The following CSMD1 variants were observed in gnomAD, a reference collection of about 807,000 sequenced individuals.
CSMD1 encodes the protein CUB and Sushi multiple domains 1.
Under a neutral mutation model 417.5 loss-of-function variants are expected in CSMD1, and 213 were observed. The observed-to-expected ratio is 0.51, with a 90% CI of 0.46 to 0.57. The LOEUF is 0.57. Among genes scored for constraint, CSMD1 ranks in the 20% least tolerant of loss-of-function variants. The pLI is 0.00. For missense variants in CSMD1, 6,923 were observed against 4,529.7 expected (o/e 1.53, Z -15.17); for synonymous variants, 2,862 against 1,736.8 (o/e 1.65, Z -16.11).
intron 3 of CSMD1, among the ~76,000 whole-genome samples, chr8:4,393,566 G>A (rs770838421): frequency 6.6e-6 from 1 of 152,158 alleles, no homozygotes; most frequent in Non-Finnish European, 1.5e-5. Context: ...TGCAGCAAGA[G>A]AAAGGCCTTC....
At chr8:4,112,560 T>C (rs1382831121) in intron 3 of CSMD1, among the ~76,000 whole-genome samples, 2 of 152,166 alleles carry the variant, frequency 1.3e-5, no homozygotes, top group Non-Finnish European at 2.9e-5. Context: ...GCTTTCTCTG[T>C]TCCCTCTTCT....
chr8:4,010,148 T>A (rs1816432633), intron 4 of CSMD1, among the ~76,000 whole-genome samples: 1 of 152,188 alleles, frequency 6.6e-6, no homozygotes, highest in Non-Finnish European at 1.5e-5. Flanking sequence ...TCTGAAGTCA[T>A]CTCAGTAGCC....
intron 12 of CSMD1, among the ~76,000 whole-genome samples, chr8:3,449,560 C>A (rs541860966): frequency 7.9e-5 from 12 of 151,964 alleles, no homozygotes; most frequent in African/African-American, 2.9e-4. Context: ...TCTTGTTGCC[C>A]AGGCTGGAGT....
intron 48 of CSMD1, 148 bp from the exon 49 acceptor site, chr8:3,087,433 A>G (rs1036815979): frequency 6.3e-6 from 5 of 791,820 alleles, no homozygotes; most frequent in Non-Finnish European, 1.0e-5. Context: ...TCTAAAGAGC[A>G]TTCCAAAACT....
intron 8 of CSMD1, among the ~76,000 whole-genome samples, chr8:3,598,876 T>G (rs1002139128): frequency 1.1e-4 from 16 of 151,162 alleles, no homozygotes; most frequent in African/African-American, 3.6e-4. Flanking sequence ...AGGTCAGGAG[T>G]TTGAGACCAG....
chr8:3,737,436 T>A (rs958731437), intron 6 of CSMD1, among the ~76,000 whole-genome samples: 1 of 152,230 alleles, frequency 6.6e-6, no homozygotes, highest in Admixed American at 6.5e-5. Flanking sequence ...TATTTTAGAA[T>A]TAAAGTTACA....
At chr8:3,056,643 T>A (rs1483734904) in intron 49 of CSMD1, among the ~76,000 whole-genome samples, 1 of 152,156 alleles carries the variant, frequency 6.6e-6, no homozygotes, top group Non-Finnish European at 1.5e-5. Context: ...GTGCTGGGAT[T>A]ACAAGCATGA....
At chr8:3,988,491 G>C (rs1435857040) in intron 5 of CSMD1, among the ~76,000 whole-genome samples, 1 of 152,194 alleles carries the variant, frequency 6.6e-6, no homozygotes, top group Non-Finnish European at 1.5e-5. Flanking sequence ...GCACGGAACA[G>C]CAGCACCAAC....
chr8:4,961,898 CCTT>C (rs1247138614), intron 1 of CSMD1, among the ~76,000 whole-genome samples: 5 of 151,370 alleles, frequency 3.3e-5, no homozygotes, highest in African/African-American at 9.7e-5. Flanking sequence ...AAAATTCCTT[CCTT>C]TTTTTTCCAA....
chr8:4,419,764 G>A (rs1211314816), intron 3 of CSMD1, among the ~76,000 whole-genome samples, 189 bp downstream of exon 3: 5 of 152,136 alleles, frequency 3.3e-5, no homozygotes, highest in Non-Finnish European at 5.9e-5. Context: ...TTGTGAACAC[G>A]TTTTGGGCTG....
intron 5 of CSMD1, among the ~76,000 whole-genome samples, chr8:3,988,960 G>A (rs1407835393): frequency 6.6e-6 from 1 of 152,160 alleles, no homozygotes; most frequent in Non-Finnish European, 1.5e-5. Flanking sequence ...AAATTTGAAG[G>A]TTATTTGCTG....
rs543473097 is a variant in CSMD1, at chr8:4,462,253, G to C, written c.303-42188C>G. On this transcript the variant is annotated intron_variant, in intron 2 of 69. Transcript: ENST00000635120. ...AAAAGAAAACAATCCCTTTACCATAGCATCTAAAAACTCCAAAATAATTAG... is the reference window on the plus strand; with the variant it reads ...AAAAGAAAACAATCCCTTTACCATACCATCTAAAAACTCCAAAATAATTAG... Among the ~76,000 whole-genome samples, 22 of 152,082 alleles carry C rather than the reference G, an allele frequency of 1.4e-4. No homozygotes were observed. In the East Asian group the frequency reaches 3.7e-3, roughly 25 times the overall value.
At chr8:4,459,048 G>C (rs1266497114) in intron 2 of CSMD1, among the ~76,000 whole-genome samples, 1 of 152,150 alleles carries the variant, frequency 6.6e-6, no homozygotes, top group Non-Finnish European at 1.5e-5. Context: ...CAATCTAGGT[G>C]AGTATGGCCA....
At chr8:4,114,496 A>T (rs1802027610) in intron 3 of CSMD1, among the ~76,000 whole-genome samples, 1 of 152,258 alleles carries the variant, frequency 6.6e-6, no homozygotes, top group Non-Finnish European at 1.5e-5. Context: ...GCCAGCTAAT[A>T]AAATATCCAT....
Position 4,930,304 on chromosome 8 carries a change from G to A in CSMD1, c.85+64028C>T, listed in dbSNP as rs142695123. Among the ~76,000 whole-genome samples, 497 of 152,176 alleles carry A rather than the reference G, an allele frequency of 3.3e-3. 4 individuals carry two copies. The highest frequency in any genetic ancestry group is 0.011 in the African/African-American group (473 of 41,494). On this transcript the variant is annotated intron_variant, in intron 1 of 69. Transcript: ENST00000635120. ...CATGTAAAAGTGTCATATGCAATTG[G>A]TGTGATATTAACACCAATTCTGAAC...
chr8:3,356,169 T>A (rs1332873061), intron 21 of CSMD1, among the ~76,000 whole-genome samples: 2 of 152,170 alleles, frequency 1.3e-5, no homozygotes, highest in Non-Finnish European at 2.9e-5. Flanking sequence ...CCTGCAACCT[T>A]TGGTATGGAT....
chr8:4,016,807 A>T (rs2130473113), intron 4 of CSMD1, among the ~76,000 whole-genome samples: 1 of 152,292 alleles, frequency 6.6e-6, no homozygotes, highest in Non-Finnish European at 1.5e-5. Flanking sequence ...TCGTTGTTTT[A>T]TTTGACATCC....
intron 1 of CSMD1, among the ~76,000 whole-genome samples, chr8:4,911,101 A>T (rs1034796349): frequency 3.3e-5 from 5 of 152,200 alleles, no homozygotes; most frequent in Non-Finnish European, 5.9e-5. Context: ...GCCATGTGGA[A>T]CTGTAAGTCC....
chr8:4,163,698 A>T (rs1797293852), intron 3 of CSMD1, among the ~76,000 whole-genome samples: 1 of 152,142 alleles, frequency 6.6e-6, no homozygotes. Flanking sequence ...TAAATAATAA[A>T]ATTTTTTTAT....
Sources: gnomAD v4.1 joint callset for allele counts (sites outside exome capture counted in the v4.1 genomes callset) on GRCh38, gnomAD v4.1.1 for gene constraint, MANE v1.5 for transcripts, NCBI Gene and HGNC (gene_info 2026-07-23, HGNC 2026-07-21) for gene names.